CSMD3: variants seen among roughly 807,000 people sequenced by gnomAD.
CSMD3 encodes the protein CUB and sushi domain-containing protein 3.
Under a neutral mutation model 435.2 loss-of-function variants are expected in CSMD3, and 177 were observed. The observed-to-expected ratio is 0.41, with a 90% CI of 0.36 to 0.46. The LOEUF (loss-of-function observed/expected upper bound fraction) is 0.46. CSMD3 is among the 20% of genes least tolerant of loss of function. The probability of loss-of-function intolerance (pLI) is 0.34; values close to 1 mark genes in which losing one functional copy is unlikely to be tolerated. For missense variants in CSMD3, 4,265 were observed against 4,504.6 expected (o/e 0.95, Z 1.52); for synonymous variants, 1,656 against 1,520.5 (o/e 1.09, Z -2.07).
intron 5 of CSMD3, among the ~76,000 whole-genome samples, chr8:113,030,997 C>G (rs2087086143): frequency 1.3e-5 from 2 of 151,350 alleles, no homozygotes; most frequent in Admixed American, 1.3e-4. Flanking sequence ...AGTGACTATG[C>G]CAAATGTGAG....
At chr8:112,697,813 G>T (rs1011028518) in intron 13 of CSMD3, among the ~76,000 whole-genome samples, 1 of 152,194 alleles carries the variant, frequency 6.6e-6, no homozygotes, top group South Asian at 2.1e-4. Flanking sequence ...GGAGGTATTA[G>T]CTAAGTCTCC....
intron 4 of CSMD3, among the ~76,000 whole-genome samples, chr8:113,152,392 G>C (rs542934721): frequency 6.6e-6 from 1 of 152,002 alleles, no homozygotes; most frequent in Non-Finnish European, 1.5e-5. Context: ...TATATGGGGA[G>C]ATGCATAGAA....
chr8:113,392,703 A>G (rs1297218498), intron 1 of CSMD3, among the ~76,000 whole-genome samples: 2 of 152,040 alleles, frequency 1.3e-5, no homozygotes, highest in Non-Finnish European at 2.9e-5. Context: ...TATCACTGTA[A>G]TGATTTATTT....
At chr8:112,365,596 G>A (rs928715193) in intron 38 of CSMD3, among the ~76,000 whole-genome samples, 6 of 149,702 alleles carry the variant, frequency 4.0e-5, no homozygotes, top group African/African-American at 1.5e-4. Flanking sequence ...CCCTATCAGA[G>A]CAACATGAAT....
chr8:112,721,861 G>A (rs1209590914), intron 13 of CSMD3, among the ~76,000 whole-genome samples: 1 of 152,128 alleles, frequency 6.6e-6, no homozygotes, highest in African/African-American at 2.4e-5. Context: ...AAACACACAT[G>A]TACATTTCTC....
intron 11 of CSMD3, among the ~76,000 whole-genome samples, chr8:112,842,658 G>A (rs1316477856): frequency 6.6e-6 from 1 of 151,632 alleles, no homozygotes; most frequent in Non-Finnish European, 1.5e-5. Context: ...AGTTTTTGGT[G>A]GTGATCTGTG....
At chr8:113,325,107 G>C (rs1377832930) in intron 1 of CSMD3, among the ~76,000 whole-genome samples, 1 of 152,228 alleles carries the variant, frequency 6.6e-6, no homozygotes, top group Non-Finnish European at 1.5e-5. Flanking sequence ...CAGATGGAAA[G>C]GACTTGCCTT....
At chr8:113,257,601 G>A (rs2132335930) in intron 3 of CSMD3, among the ~76,000 whole-genome samples, 2 of 152,212 alleles carry the variant, frequency 1.3e-5, no homozygotes, top group South Asian at 2.1e-4. Context: ...TATAGGAAAG[G>A]AGAAAGGAGT....
intron 1 of CSMD3, among the ~76,000 whole-genome samples, chr8:113,399,655 G>T (rs908169342): frequency 1.3e-5 from 2 of 151,854 alleles, no homozygotes; most frequent in Non-Finnish European, 2.9e-5. Flanking sequence ...GTGAGGGGAG[G>T]ATCGTGAGTG....
chr8:113,217,328 C>T (rs1157597378), intron 3 of CSMD3, among the ~76,000 whole-genome samples: 1 of 151,170 alleles, frequency 6.6e-6, no homozygotes, highest in Non-Finnish European at 1.5e-5. Flanking sequence ...CCTTGACATA[C>T]AAAGAAGCAG....
intron 32 of CSMD3, among the ~76,000 whole-genome samples, chr8:112,454,251 G>T (rs1411191082): frequency 6.6e-6 from 1 of 152,050 alleles, no homozygotes; most frequent in Non-Finnish European, 1.5e-5. Flanking sequence ...TGACAAGTAA[G>T]ACGTAATTAA....
rs143414371 is a variant in CSMD3, at chr8:113,409,751, A to G, written c.178+26926T>C. Reference sequence around the variant, plus strand: ...GAGAAGCTGTGCAAAGTTACACATTATATTGACCTATTTGTGTTCTGGATC... The same window carrying G: ...GAGAAGCTGTGCAAAGTTACACATTGTATTGACCTATTTGTGTTCTGGATC... On this transcript the variant is annotated intron_variant, in intron 1 of 70. Coordinates refer to ENST00000297405, the MANE Select transcript of CSMD3 (RefSeq NM_198123.2). Among the ~76,000 whole-genome samples, 968 of 152,268 alleles carry G rather than the reference A, an allele frequency of 6.4e-3. 9 individuals carry two copies. The highest frequency in any genetic ancestry group is 0.021 in the African/African-American group (882 of 41,560).
intron 22 of CSMD3, among the ~76,000 whole-genome samples, chr8:112,600,585 A>G (rs1197804790): frequency 6.6e-6 from 1 of 152,178 alleles, no homozygotes; most frequent in Non-Finnish European, 1.5e-5. Flanking sequence ...TTTTGTTTTC[A>G]TGTCTTTTAG....
intron 13 of CSMD3, among the ~76,000 whole-genome samples, chr8:112,703,848 T>A (rs2076441582): frequency 6.6e-6 from 1 of 152,262 alleles, no homozygotes; most frequent in East Asian, 1.9e-4. Flanking sequence ...TAGAGAGGTT[T>A]TGAGGAGGAA....
At chr8:113,158,399 A>G (rs1276503397) in intron 4 of CSMD3, among the ~76,000 whole-genome samples, 1 of 152,084 alleles carries the variant, frequency 6.6e-6, no homozygotes, top group Non-Finnish European at 1.5e-5. Context: ...AAGATCCTCC[A>G]TGCAATATGT....
At chr8:112,892,155 T>C (rs2081811897) in intron 10 of CSMD3, among the ~76,000 whole-genome samples, 1 of 151,606 alleles carries the variant, frequency 6.6e-6, no homozygotes, top group Non-Finnish European at 1.5e-5. Flanking sequence ...CTCTCCCTTA[T>C]TGCCATTCCC....
rs150488945 is a variant in CSMD3 at position 112,910,799 on chromosome 8, A to C, written c.1633+10828T>G. Among the ~76,000 whole-genome samples, 385 of 151,970 alleles carry C rather than the reference A, an allele frequency of 2.5e-3. 2 individuals are homozygous for C. The highest frequency in any genetic ancestry group is 8.2e-3 in the African/African-American group (342 of 41,504). ...CATAAAGCCTCAGTTTTTTCACCTC[A>C]TTATTTCTCAATTATTAGCCATGTG... is the stretch of plus-strand genomic sequence containing the variant. On this transcript the variant is annotated intron_variant, in intron 10 of 70. Transcript: ENST00000297405.
intron 3 of CSMD3, among the ~76,000 whole-genome samples, chr8:113,203,071 G>A (rs72687637): frequency 0.066 from 10,029 of 152,012 alleles, 449 homozygotes; most frequent in Non-Finnish European, 0.095. Context: ...TAAGATGACT[G>A]TACTTAACAA....
chr8:112,319,963 C>G lies in CSMD3; in HGVS notation c.7184G>C (p.Cys2395Ser), dbSNP rs2130867263. ...LSYHAYQLRV[C>S]QPPPPVPNAE... is the part of the protein sequence containing the mutation. ...ATTGGGCACAGGTGGTGGAGGTTGG[C>G]ACACCCTTAGTTGATAGGCTACAAA... Residue 2395 changes from cysteine (C) to serine (S), a missense_variant, in exon 46 of 71, where the codon TGC becomes TCC. Physicochemically the swap from Cys to Ser is moderately radical, Grantham distance 112. Coordinates refer to ENST00000297405, the MANE Select transcript of CSMD3 (RefSeq NM_198123.2). 6.2e-7 allele frequency: 1 copy of G among 1,612,038 alleles called. No homozygotes were observed. Among genetic ancestry groups the G allele is most frequent in the Non-Finnish European group, 8.5e-7 (1 of 1,178,478 alleles).
Sources: allele counts gnomAD v4.1 joint callset (sites outside exome capture counted in the v4.1 genomes callset), GRCh38; gene constraint gnomAD v4.1.1; transcripts MANE v1.5; gene names NCBI Gene and HGNC (gene_info 2026-07-23, HGNC 2026-07-21).